The following ZNF587B variants were observed in gnomAD, a reference collection of about 807,000 sequenced individuals.
ZNF587B encodes zinc finger protein 587B.
ZNF587B carries 6 observed loss-of-function variants against 7.2 expected under a neutral mutation model. That is an observed-to-expected ratio of 0.83 (90% CI 0.46 to 1.65). The LOEUF is 1.65. ZNF587B is among the 40% of genes most tolerant of loss of function. The pLI is 0.01. For synonymous variants in ZNF587B, 274 were observed against 254.3 expected (o/e 1.08, Z -0.74); for missense variants, 749 against 761.0 (o/e 0.98, Z 0.19).
intron 1 of ZNF587B, among the ~76,000 whole-genome samples, chr19:57,835,966 C>T (rs560608047): frequency 3.3e-5 from 5 of 151,742 alleles, no homozygotes; most frequent in African/African-American, 7.3e-5. Flanking sequence ...TGATTGGAGG[C>T]TGAGGACTAG....
At chr19:57,834,831 C>T (rs1403429368) in intron 1 of ZNF587B, among the ~76,000 whole-genome samples, 1 of 123,650 alleles carries the variant, frequency 8.1e-6, no homozygotes, top group South Asian at 2.7e-4. Flanking sequence ...GGTGACAGAG[C>T]GAGACTCTCT....
In ZNF587B at chr19:57,839,108, G is replaced by A. The variant is rs780939895; in HGVS notation, c.122G>A (p.Arg41His). The A allele has an allele frequency of 2.2e-5, 36 of 1,614,058 alleles. No homozygotes were observed. Among genetic ancestry groups the A allele is most frequent in the Admixed American group, 5.0e-5 (3 of 60,000 alleles). The change falls in exon 2 of 3, where the codon CGT (arginine) becomes CAT (histidine). Residue 41 changes from arginine to histidine, a missense_variant. Arg to His is a conservative substitution (Grantham distance 29). Transcript: ENST00000594901. Reference sequence around the variant, plus strand: ...AGTGAGGCTCAGAGATGCCTGTACCGTGATGTGACTCTGGAGAACCTGGCA... The same window carrying A: ...AGTGAGGCTCAGAGATGCCTGTACCATGATGTGACTCTGGAGAACCTGGCA... Reference protein sequence around the residue: ...LLSEAQRCLYRDVTLENLALM... With the variant: ...LLSEAQRCLYHDVTLENLALM...
chr19:57,836,336 A>C (rs1011759239), intron 1 of ZNF587B, among the ~76,000 whole-genome samples: 2 of 152,218 alleles, frequency 1.3e-5, no homozygotes, highest in African/African-American at 4.8e-5. Flanking sequence ...ATTCTGTGGT[A>C]ATATTGGATC....
In ZNF587B at chr19:57,834,858, A is replaced by G. The variant is rs150176700; in HGVS notation, c.37-4165A>G. ...AGACTCTCTCTTAAAAAAAAAAAAG[A>G]AAAAAAAAAGGTGTTCTGTTAAGGG... On this transcript the variant is annotated intron_variant, in intron 1 of 2. Coordinates refer to ENST00000594901, the MANE Select transcript of ZNF587B (RefSeq NM_001376223.1). 1.6e-3 allele frequency among the ~76,000 whole-genome samples: 161 copies of G among 98,874 alleles called. No homozygotes were observed. The East Asian group carries it at 0.04, about 25-fold the overall frequency. The allele number at this position is 98,874 out of a possible 152,430, so 64.9% of individuals were successfully genotyped here.
chr19:57,830,356 T>A lies in ZNF587B; in HGVS notation c.-173T>A. ...CCTGAGCGCTAGGTCGGCACTGCGGTGACTGAACCCAGAAGGCGGAGAACA... is the reference window on the plus strand; with the variant it reads ...CCTGAGCGCTAGGTCGGCACTGCGGAGACTGAACCCAGAAGGCGGAGAACA... On this transcript the variant is annotated 5_prime_UTR_variant, in exon 1 of 3. Coordinates refer to ENST00000594901, the MANE Select transcript of ZNF587B (RefSeq NM_001376223.1). 1.5e-6 allele frequency: 1 copy of A among 647,648 alleles called. No individual in the cohort carries two copies. Among genetic ancestry groups the A allele is most frequent in the Non-Finnish European group, 2.6e-6 (1 of 379,966 alleles). The allele number at this position is 647,648 out of a possible 1,614,324, so 40.1% of individuals were successfully genotyped here.
At chr19:57,834,856 A>AG (rs1267049667) in intron 1 of ZNF587B, among the ~76,000 whole-genome samples, 2 of 132,644 alleles carry the variant, frequency 1.5e-5, no homozygotes, top group African/African-American at 5.4e-5. Flanking sequence ...AAAAAAAAAA[A>AG]GAAAAAAAAA....
Position 57,842,897 on chromosome 19 carries a change from G to A in ZNF587B, c.*321G>A, listed in dbSNP as rs34871518. 150,524 of 985,192 alleles carry A rather than the reference G, an allele frequency of 0.15. 11,584 individuals carry two copies. The highest frequency in any genetic ancestry group is 0.17 in the East Asian group (1,485 of 8,806). 61.0% of individuals were successfully genotyped at this position (985,192 alleles called of 1,614,324 possible). A position where few individuals can be genotyped will look rare whatever the true frequency, so the allele number is the denominator to read the frequency against. Reference sequence around the variant, plus strand: ...TACGGAAATGCCTTTTGAATGTAATGTTTGCAAAAAAGCACTGTGCCTTCT... The same window carrying A: ...TACGGAAATGCCTTTTGAATGTAATATTTGCAAAAAAGCACTGTGCCTTCT... On this transcript the variant is annotated 3_prime_UTR_variant, in exon 3 of 3. Coordinates refer to ENST00000594901, the MANE Select transcript of ZNF587B (RefSeq NM_001376223.1).
At chr19:57,831,314 T>A (rs925072349) in intron 1 of ZNF587B, among the ~76,000 whole-genome samples, 14 of 152,218 alleles carry the variant, frequency 9.2e-5, no homozygotes, top group Non-Finnish European at 1.8e-4. Context: ...AGGTTGGGCA[T>A]TACATCACAG....
rs1319808888 is a variant in ZNF587B, at chr19:57,835,595, C to G, written c.37-3428C>G. On this transcript the variant is annotated intron_variant, in intron 1 of 2. Coordinates refer to ENST00000594901, the MANE Select transcript of ZNF587B (RefSeq NM_001376223.1). ...CAGGCTGGTCTTGAACTCCTGACCT[C>G]AGGTGATCCACCCACCTCAGCCTTC... Among the ~76,000 whole-genome samples the G allele has an allele frequency of 9.3e-5, 13 of 140,506 alleles. No individual in the cohort carries two copies. In the East Asian group the frequency reaches 2.7e-3, roughly 29 times the overall value. 92.2% of individuals were successfully genotyped at this position (140,506 alleles called of 152,430 possible).
chr19:57,840,364 G>A (rs1445363927), intron 2 of ZNF587B, among the ~76,000 whole-genome samples: 1 of 151,782 alleles, frequency 6.6e-6, no homozygotes, highest in Admixed American at 6.6e-5. Flanking sequence ...CACATCTCTG[G>A]ACCCCAAATC....
Position 57,830,601 on chromosome 19 carries a change from A to G in ZNF587B, c.36+37A>G, listed in dbSNP as rs1291929440. ...GCCTTCCATGCCCTCAGGTCACCTC[A>G]TCATCACCCAAAAGCCTGTAGTCTT... is the stretch of plus-strand genomic sequence containing the variant. On this transcript the variant is annotated intron_variant, in intron 1 of 2. Transcript: ENST00000594901. The G allele has an allele frequency of 5.2e-6, 8 of 1,547,974 alleles. No individual in the cohort carries two copies. The South Asian group carries it at 5.9e-5, about 12-fold the overall frequency.
intron 1 of ZNF587B, among the ~76,000 whole-genome samples, chr19:57,835,590 G>A (rs1226355886): frequency 1.4e-5 from 2 of 139,842 alleles, no homozygotes; most frequent in African/African-American, 5.5e-5. Flanking sequence ...TTGAACTCCT[G>A]ACCTCAGGTG....
chr19:57,835,348 T>G (rs887110543), intron 1 of ZNF587B, among the ~76,000 whole-genome samples: 1 of 126,286 alleles, frequency 7.9e-6, no homozygotes, highest in Non-Finnish European at 1.7e-5. Context: ...ACGCTGGGGG[T>G]TTTTTGTTTT....
intron 1 of ZNF587B, among the ~76,000 whole-genome samples, chr19:57,837,423 G>GTT (rs889390056): frequency 7.0e-6 from 1 of 143,374 alleles, no homozygotes; most frequent in Non-Finnish European, 1.5e-5. Context: ...CGCTCAGCTA[G>GTT]TTTTTTTTTT....
intron 1 of ZNF587B, among the ~76,000 whole-genome samples, chr19:57,837,121 T>G (rs754187028): frequency 1.3e-5 from 2 of 152,200 alleles, no homozygotes; most frequent in African/African-American, 4.8e-5. Context: ...CCTGAGGGAA[T>G]CAGGCCATTA....
At position 57,845,180 on chromosome 19, in the gene ZNF587B, G is replaced by GCA. The variant is rs1989020094; in HGVS notation, c.*2607_*2608dup. Reference sequence around the variant, plus strand: ...TAGTAGAGACGGGTTTCACCGTGTTGCACAGACTGGTCTTGAATTCAACTC... The same window carrying GCA: ...TAGTAGAGACGGGTTTCACCGTGTTGCACACAGACTGGTCTTGAATTCAACTC... On this transcript the variant is annotated 3_prime_UTR_variant, in exon 3 of 3. Transcript: ENST00000594901. The GCA allele has an allele frequency of 1.3e-5, 2 of 152,106 alleles. No homozygotes were observed. Among genetic ancestry groups the GCA allele is most frequent in the Admixed American group, 1.3e-4 (2 of 15,262 alleles). The allele number at this position is 152,106 out of a possible 1,614,324, so 9.4% of individuals were successfully genotyped here.
At chr19:57,836,238 T>C (rs1480442412) in intron 1 of ZNF587B, among the ~76,000 whole-genome samples, 2 of 152,038 alleles carry the variant, frequency 1.3e-5, no homozygotes, top group Admixed American at 6.5e-5. Context: ...AAGCCACACA[T>C]GGTTCTGTGT....
rs1988945849 is a variant in ZNF587B, at chr19:57,843,587, G to GTGTTTTTTTTTTTTT, written c.*1012_*1013insGTTTTTTTTTTTTTT. ...GTTTGGTTGGTTGGTTGGTTGGTTG[G>GTGTTTTTTTTTTTTT]TTGTTTTTTTTTGTTTTTTTTTTTT... On this transcript the variant is annotated 3_prime_UTR_variant, in exon 3 of 3. Coordinates refer to ENST00000594901, the MANE Select transcript of ZNF587B (RefSeq NM_001376223.1). 1.4e-6 allele frequency: 1 copy of GTGTTTTTTTTTTTTT among 738,188 alleles called. No homozygotes were observed. The highest frequency in any genetic ancestry group is 1.6e-6 in the Non-Finnish European group (1 of 639,020). 45.7% of individuals were successfully genotyped at this position (738,188 alleles called of 1,614,324 possible).
intron 1 of ZNF587B, among the ~76,000 whole-genome samples, chr19:57,832,938 G>A (rs1164640638): frequency 2.6e-5 from 4 of 152,082 alleles, no homozygotes; most frequent in African/African-American, 9.6e-5. Context: ...GAAACTGGGG[G>A]TTGGGACAGA....
Sources: allele counts gnomAD v4.1 joint callset (sites outside exome capture counted in the v4.1 genomes callset), GRCh38; gene constraint gnomAD v4.1.1; transcripts MANE v1.5; gene names NCBI Gene and HGNC (gene_info 2026-07-23, HGNC 2026-07-21).